Variants in IQGAP2 observed in about 807,000 individuals in gnomAD.
IQGAP2 encodes IQ motif containing GTPase activating protein 2, also known as ras GTPase-activating-like protein IQGAP2.
IQGAP2 carries 173 observed loss-of-function variants against 201.3 expected under a neutral mutation model. The ratio of observed to expected loss-of-function variants is 0.86; its 90% confidence interval spans 0.76 to 0.98. The LOEUF is 0.98. Among genes scored for constraint, IQGAP2 ranks in the 50% least tolerant of loss-of-function variants. The pLI, the probability that IQGAP2 is intolerant of heterozygous loss-of-function variation, is 0.00. For synonymous variants in IQGAP2, 675 were observed against 673.9 expected, an observed-to-expected ratio of 1.00 and a Z score of -0.03; for missense variants, 1,687 against 1,864.8, an observed-to-expected ratio of 0.90 and a Z score of 1.76.
chr5:76,408,148 G>A (rs372626743), intron 1 of IQGAP2, among the ~76,000 whole-genome samples: 4 of 149,894 alleles, frequency 2.7e-5, no homozygotes, highest in Non-Finnish European at 5.9e-5. Flanking sequence ...GCGAAAGAGC[G>A]AGACTCTGTC....
intron 2 of IQGAP2, among the ~76,000 whole-genome samples, chr5:76,531,927 A>AG (rs893417926): frequency 7.9e-5 from 12 of 152,200 alleles, no homozygotes; most frequent in African/African-American, 2.7e-4. Flanking sequence ...GTATCTGGTG[A>AG]GGGTCTACTT....
chr5:76,569,432 C>CAAA (rs35438972), intron 3 of IQGAP2, among the ~76,000 whole-genome samples: 1 of 148,610 alleles, frequency 6.7e-6, no homozygotes, highest in African/African-American at 2.5e-5. Context: ...ATGAACACTG[C>CAAA]AAAAAAAAAA....
At chr5:76,656,432 C>T (rs1011435510) in intron 20 of IQGAP2, among the ~76,000 whole-genome samples, 2 of 151,932 alleles carry the variant, frequency 1.3e-5, no homozygotes, top group South Asian at 2.1e-4. Flanking sequence ...CCGCCCGCCT[C>T]GGCCTCCCAA....
intron 1 of IQGAP2, among the ~76,000 whole-genome samples, chr5:76,437,808 G>A (rs768272538): frequency 6.6e-6 from 1 of 152,206 alleles, no homozygotes; most frequent in Non-Finnish European, 1.5e-5. Flanking sequence ...CCATGTCTTT[G>A]CTATTGTAAA....
intron 27 of IQGAP2, among the ~76,000 whole-genome samples, chr5:76,676,592 T>A (rs1352951287): frequency 6.6e-6 from 1 of 152,252 alleles, no homozygotes; most frequent in Non-Finnish European, 1.5e-5. Context: ...CTTCTCTTGA[T>A]CTCTGTCAAA....
chr5:76,507,260 A>C (rs972184871), intron 2 of IQGAP2, among the ~76,000 whole-genome samples: 1 of 152,202 alleles, frequency 6.6e-6, no homozygotes, highest in Non-Finnish European at 1.5e-5. Context: ...GTGTGATACA[A>C]GGCAGAAAAG....
intron 1 of IQGAP2, among the ~76,000 whole-genome samples, chr5:76,433,471 T>C (rs1460913000): frequency 6.6e-6 from 1 of 152,112 alleles, no homozygotes; most frequent in Non-Finnish European, 1.5e-5. Flanking sequence ...CTAATCCTCC[T>C]CCTCAAAAAC....
intron 3 of IQGAP2, among the ~76,000 whole-genome samples, chr5:76,564,977 G>C (rs1408235940): frequency 1.3e-5 from 2 of 152,180 alleles, no homozygotes. Flanking sequence ...AAAGAGGTTT[G>C]TTTTTTTCTT....
At chr5:76,581,650 C>T (rs1233397927) in intron 5 of IQGAP2, among the ~76,000 whole-genome samples, 2 of 152,146 alleles carry the variant, frequency 1.3e-5, no homozygotes, top group Non-Finnish European at 1.5e-5. Context: ...GCTATTGATT[C>T]CAAGTTAAAG....
At chr5:76,628,817 C>A (rs557049388) in intron 14 of IQGAP2, 2 of 418,374 alleles carry the variant, frequency 4.8e-6, no homozygotes, top group African/African-American at 4.2e-5. Context: ...CTTTCTAGCA[C>A]GCCTTAAGAA....
chr5:76,570,253 G>A (rs778110198), intron 3 of IQGAP2, among the ~76,000 whole-genome samples: 2 of 152,180 alleles, frequency 1.3e-5, no homozygotes, highest in Non-Finnish European at 2.9e-5. Context: ...GCATGTGTGT[G>A]TATGTGCGTA....
intron 1 of IQGAP2, among the ~76,000 whole-genome samples, chr5:76,415,392 A>C (rs908190145): frequency 6.6e-6 from 1 of 152,216 alleles, no homozygotes; most frequent in Non-Finnish European, 1.5e-5. Flanking sequence ...TCAGCTATAC[A>C]TGTTTTTATA....
At chr5:76,578,938 G>T (rs1343512813) in intron 5 of IQGAP2, among the ~76,000 whole-genome samples, 1 of 149,890 alleles carries the variant, frequency 6.7e-6, no homozygotes, top group Non-Finnish European at 1.5e-5. Context: ...GGCCTTTTAC[G>T]TAAGGGTAAG....
intron 10 of IQGAP2, among the ~76,000 whole-genome samples, 199 bp downstream of exon 10, chr5:76,597,801 A>G (rs1390755415): frequency 6.6e-6 from 1 of 152,192 alleles, no homozygotes; most frequent in East Asian, 1.9e-4. Context: ...AGAATCTAAG[A>G]GCATAGTTAG....
chr5:76,632,113 A>T (rs441157), intron 15 of IQGAP2, 87 bp downstream of exon 15: 657,442 of 1,111,408 alleles, frequency 0.59, 195,812 homozygotes, highest in South Asian at 0.62. Context: ...AAGACAAGTA[A>T]TGCTTTCAAA....
At chr5:76,510,096 T>G (rs561083103) in intron 2 of IQGAP2, among the ~76,000 whole-genome samples, 3 of 151,628 alleles carry the variant, frequency 2.0e-5, no homozygotes, top group Non-Finnish European at 4.4e-5. Flanking sequence ...GCCTCCTGGA[T>G]TCAAGTTATT....
At chr5:76,650,476 A>G (rs1368703197) in intron 17 of IQGAP2, among the ~76,000 whole-genome samples, 1 of 152,188 alleles carries the variant, frequency 6.6e-6, no homozygotes, top group Non-Finnish European at 1.5e-5. Context: ...ATATAGAATT[A>G]TTCTGTGGGT....
At chr5:76,631,328 T>A (rs749187609) in intron 14 of IQGAP2, among the ~76,000 whole-genome samples, 2 of 152,192 alleles carry the variant, frequency 1.3e-5, no homozygotes, top group Non-Finnish European at 2.9e-5. Context: ...GGTTCCAGAA[T>A]TAAGTTTTAG....
intron 5 of IQGAP2, among the ~76,000 whole-genome samples, chr5:76,588,206 A>G (rs1288133410): frequency 6.6e-6 from 1 of 152,212 alleles, no homozygotes; most frequent in Admixed American, 6.5e-5. Context: ...ATATACTATT[A>G]CTTGAAACTA....
Sources: gnomAD v4.1 joint callset for allele counts (sites outside exome capture counted in the v4.1 genomes callset) on GRCh38, gnomAD v4.1.1 for gene constraint, MANE v1.5 for transcripts, NCBI Gene and HGNC (gene_info 2026-07-23, HGNC 2026-07-21) for gene names.